The following SAMTOR variants were observed in gnomAD, a reference collection of about 807,000 sequenced individuals.
The protein encoded by SAMTOR is S-adenosylmethionine sensor upstream of mTORC1, also known as UPF0532 protein C7orf60.
At chr7:112,911,678 A>C in the SAMTOR span, among the ~76,000 whole-genome samples, 45 of 152,172 alleles carry the variant, frequency 3.0e-4, no homozygotes, top group African/African-American at 8.2e-4. Flanking sequence ...AGAGAAAAAG[A>C]CAACCCAAAT....
chr7:112,927,614 G>A, the SAMTOR span, among the ~76,000 whole-genome samples: 1 of 152,036 alleles, frequency 6.6e-6, no homozygotes, highest in African/African-American at 2.4e-5. Flanking sequence ...GAGAGAGAAA[G>A]AGACAGGTAC....
the SAMTOR span, among the ~76,000 whole-genome samples, chr7:112,889,385 C>T: frequency 1.2e-3 from 179 of 152,236 alleles, 1 homozygote; most frequent in African/African-American, 4.2e-3. Context: ...TAGAACGTAT[C>T]CCATTTGCAA....
chr7:112,820,112 G>A, the SAMTOR span: 2 of 152,322 alleles, frequency 1.3e-5, no homozygotes, highest in Non-Finnish European at 2.9e-5. Flanking sequence ...AATATTTATT[G>A]CATTTAATCA....
the SAMTOR span, among the ~76,000 whole-genome samples, chr7:112,917,214 G>C: frequency 6.1e-4 from 93 of 152,308 alleles, no homozygotes; most frequent in Non-Finnish European, 1.1e-3. Context: ...AGTAGGGGCA[G>C]ACTGACACCT....
At chr7:112,916,645 C>T in the SAMTOR span, among the ~76,000 whole-genome samples, 2 of 152,118 alleles carry the variant, frequency 1.3e-5, no homozygotes, top group Admixed American at 1.3e-4. Context: ...CGAGGCACTG[C>T]CTCACTTGGG....
chr7:112,906,523 T>C, the SAMTOR span, among the ~76,000 whole-genome samples: 1,604 of 151,322 alleles, frequency 0.011, 29 homozygotes, highest in African/African-American at 0.036. Flanking sequence ...CTTTGCAAAG[T>C]AGTCTGCTAC....
chr7:112,901,363 A>C, the SAMTOR span, among the ~76,000 whole-genome samples: 1 of 152,322 alleles, frequency 6.6e-6, no homozygotes, highest in African/African-American at 2.4e-5. Flanking sequence ...TGAGGGATCT[A>C]GGCTGCACGC....
chr7:112,827,616 G>A, the SAMTOR span, among the ~76,000 whole-genome samples: 4 of 152,060 alleles, frequency 2.6e-5, no homozygotes, highest in Admixed American at 2.0e-4. Context: ...TACACCCTAT[G>A]CATATCCTCC....
the SAMTOR span, among the ~76,000 whole-genome samples, chr7:112,824,083 TTATGA>T: frequency 6.6e-6 from 1 of 152,174 alleles, no homozygotes; most frequent in African/African-American, 2.4e-5. Flanking sequence ...TGCAAGTCCT[TTATGA>T]TATATGACTT....
the SAMTOR span, among the ~76,000 whole-genome samples, chr7:112,892,244 C>T: frequency 6.6e-6 from 1 of 152,058 alleles, no homozygotes. Flanking sequence ...GGCTCCACTT[C>T]TAATTCTAGT....
the SAMTOR span, among the ~76,000 whole-genome samples, chr7:112,847,098 T>C: frequency 2.6e-5 from 4 of 152,202 alleles, no homozygotes; most frequent in African/African-American, 9.6e-5. Context: ...ATGTATGGAA[T>C]CAACAACATT....
the SAMTOR span, among the ~76,000 whole-genome samples, chr7:112,869,292 C>T: frequency 8.5e-5 from 13 of 152,212 alleles, no homozygotes; most frequent in South Asian, 2.1e-4. Context: ...GCTCCACTCC[C>T]GCTGAAGACC....
At chr7:112,839,241 A>G in the SAMTOR span, among the ~76,000 whole-genome samples, 1 of 151,922 alleles carries the variant, frequency 6.6e-6, no homozygotes, top group Non-Finnish European at 1.5e-5. Flanking sequence ...CTTTAACACA[A>G]TGATTTAAAA....
the SAMTOR span, among the ~76,000 whole-genome samples, chr7:112,893,998 T>C: frequency 1.3e-5 from 2 of 152,274 alleles, no homozygotes; most frequent in Non-Finnish European, 2.9e-5. Flanking sequence ...TCAGCCTATA[T>C]CAGCTTTTGA....
chr7:112,922,166 C>T, the SAMTOR span, among the ~76,000 whole-genome samples: 12 of 152,312 alleles, frequency 7.9e-5, no homozygotes, highest in East Asian at 1.9e-4. Context: ...CTGTGTTGGC[C>T]GGGCTGGTCT....
At chr7:112,915,633 T>A in the SAMTOR span, among the ~76,000 whole-genome samples, 1 of 152,176 alleles carries the variant, frequency 6.6e-6, no homozygotes, top group East Asian at 1.9e-4. Flanking sequence ...TACATTTAAA[T>A]AAAAATAAAA....
At chr7:112,932,711 G>A in the SAMTOR span, among the ~76,000 whole-genome samples, 2 of 152,174 alleles carry the variant, frequency 1.3e-5, no homozygotes, top group African/African-American at 2.4e-5. Flanking sequence ...GGTAAGAGGG[G>A]CACTTAGGTA....
the SAMTOR span, chr7:112,832,782 A>C: frequency 1.5e-6 from 1 of 649,706 alleles, no homozygotes; most frequent in African/African-American, 1.8e-5. Context: ...TTACACATAT[A>C]AAAATTACTG....
the SAMTOR span, among the ~76,000 whole-genome samples, chr7:112,886,547 A>T: frequency 6.6e-6 from 1 of 152,234 alleles, no homozygotes; most frequent in Non-Finnish European, 1.5e-5. Context: ...AGAACAATTC[A>T]TATAAAGCAA....
Sources: allele counts gnomAD v4.1 joint callset (sites outside exome capture counted in the v4.1 genomes callset), GRCh38; gene constraint gnomAD v4.1.1; transcripts MANE v1.5; gene names NCBI Gene and HGNC (gene_info 2026-07-23, HGNC 2026-07-21).